Variants in SEPTIN7 observed in about 807,000 individuals in gnomAD.
The protein encoded by SEPTIN7 is septin-7.
SEPTIN7 carries 10 observed loss-of-function variants against 63.3 expected under a neutral mutation model. That is an observed-to-expected ratio of 0.16 (90% CI 0.10 to 0.27). The LOEUF (loss-of-function observed/expected upper bound fraction) is 0.27. Among genes scored for constraint, SEPTIN7 ranks in the 10% least tolerant of loss-of-function variants. The pLI, the probability that SEPTIN7 is intolerant of heterozygous loss-of-function variation, is 1.00. For missense variants in SEPTIN7, 310 were observed against 521.0 expected (o/e 0.59, Z 3.94); for synonymous variants, 131 against 165.3 (o/e 0.79, Z 1.59).
downstream of SEPTIN7, among the ~76,000 whole-genome samples, chr7:35,911,042 G>A (rs1353160820): frequency 6.6e-6 from 1 of 152,174 alleles, no homozygotes; most frequent in Non-Finnish European, 1.5e-5. Context: ...CCCCCTGGTT[G>A]CAGCCATGTC....
At chr7:35,847,092 C>G (rs1784710992) in intron 3 of SEPTIN7, 5 of 188,504 alleles carry the variant, frequency 2.7e-5, no homozygotes, top group African/African-American at 1.2e-4. Flanking sequence ...TCTCTGCACA[C>G]TTACGGGAGT....
At chr7:35,914,411 CACTT>C in the SEPTIN7 span, among the ~76,000 whole-genome samples, 2 of 152,152 alleles carry the variant, frequency 1.3e-5, no homozygotes, top group African/African-American at 4.8e-5. Flanking sequence ...GGATGGGCCT[CACTT>C]AATCAGTTGA....
chr7:35,840,779 G>A (rs1213716693), intron 3 of SEPTIN7, among the ~76,000 whole-genome samples: 1 of 152,078 alleles, frequency 6.6e-6, no homozygotes, highest in East Asian at 1.9e-4. Context: ...GAGGAAAACA[G>A]TATACACATA....
At chr7:35,852,153 G>C (rs1433795506) in intron 3 of SEPTIN7, among the ~76,000 whole-genome samples, 1 of 152,098 alleles carries the variant, frequency 6.6e-6, no homozygotes, top group African/African-American at 2.4e-5. Context: ...ACTGTGCCAA[G>C]GTATGATTCT....
rs189044048 is a variant in SEPTIN7, at chr7:35,849,756, T to C, written c.170-13796T>C. ...ATTTCTCACCATTTGGCTTCTCTCC[T>C]TAACACAAAACTACTTTTATTAAAG... On this transcript the variant is annotated intron_variant, in intron 3 of 13. Coordinates refer to ENST00000350320, the MANE Select transcript of SEPTIN7 (RefSeq NM_001788.6). 2.3e-3 allele frequency among the ~76,000 whole-genome samples: 349 copies of C among 152,364 alleles called. 1 individual carries two copies. Among genetic ancestry groups the C allele is most frequent in the Non-Finnish European group, 3.5e-3 (235 of 68,034 alleles).
chr7:35,856,696 C>G (rs1483741442), intron 3 of SEPTIN7, among the ~76,000 whole-genome samples: 2 of 152,240 alleles, frequency 1.3e-5, no homozygotes, highest in East Asian at 3.9e-4. Context: ...GATCATTTCC[C>G]CTGTGGCATA....
intron 6 of SEPTIN7, among the ~76,000 whole-genome samples, chr7:35,875,116 C>A (rs1786392356): frequency 6.6e-6 from 1 of 152,130 alleles, no homozygotes; most frequent in Non-Finnish European, 1.5e-5. Context: ...TTCCTTCCAT[C>A]CCCTTGGGGA....
chr7:35,838,156 T>C (rs1357035502), intron 3 of SEPTIN7, among the ~76,000 whole-genome samples: 1 of 152,124 alleles, frequency 6.6e-6, no homozygotes, highest in Non-Finnish European at 1.5e-5. Flanking sequence ...TATTATTTTG[T>C]TGTTGGTAGG....
Position 35,903,104 on chromosome 7 carries a change from A to G in SEPTIN7, c.1163A>G (p.Lys388Arg), listed in dbSNP as rs1215266377. The change falls in exon 13 of 14, where the codon AAG becomes AGG. Residue 388 changes from lysine to arginine, a missense_variant. Lys to Arg is a conservative substitution (Grantham distance 26). Around this residue, in one of 2 missense-constraint regions of SEPTIN7, gnomAD observed 255 missense variants for 490.5 expected, o/e 0.52. Transcript: ENST00000350320. ...ELQRRHEQMK[K>R]NLEAQHKELE... The stretch of plus-strand genomic sequence containing the variant: ...CAGCGGCGCCATGAGCAAATGAAAA[A>G]GAATTTGGAAGCACAGCACAAAGAA... 5.1e-6 allele frequency: 8 copies of G among 1,564,348 alleles called. No individual in the cohort carries two copies. In the South Asian group the frequency reaches 9.5e-5, roughly 18 times the overall value.
At position 35,813,017 on chromosome 7, in the gene SEPTIN7, G is replaced by A. The variant is rs191131163; in HGVS notation, c.61+11747G>A. ...TAACTTTTCTGCAAGATATAAGTCC[G>A]GAGGCCTTAATAATAACTATCATCT... On this transcript the variant is annotated intron_variant, in intron 1 of 13. Transcript: ENST00000350320. Among the ~76,000 whole-genome samples, 33 of 152,218 alleles carry A rather than the reference G, an allele frequency of 2.2e-4. No individual in the cohort carries two copies. In the East Asian group the frequency reaches 6.2e-3, roughly 28 times the overall value.
At chr7:35,857,208 C>T (rs1785257289) in intron 3 of SEPTIN7, among the ~76,000 whole-genome samples, 1 of 152,094 alleles carries the variant, frequency 6.6e-6, no homozygotes, top group Non-Finnish European at 1.5e-5. Flanking sequence ...CTACAACTAA[C>T]AGAAATAACT....
intron 7 of SEPTIN7, among the ~76,000 whole-genome samples, chr7:35,881,829 G>A (rs1786897724): frequency 6.6e-6 from 1 of 151,892 alleles, no homozygotes; most frequent in African/African-American, 2.4e-5. Context: ...TTTGAACTAG[G>A]TCATTTCTGA....
At chr7:35,871,577 T>C (rs1253667917) in intron 4 of SEPTIN7, among the ~76,000 whole-genome samples, 1 of 152,176 alleles carries the variant, frequency 6.6e-6, no homozygotes, top group African/African-American at 2.4e-5. Context: ...TATTGGATAG[T>C]GTGGCTACAG....
chr7:35,810,468 C>T (rs1261174632), intron 1 of SEPTIN7, among the ~76,000 whole-genome samples: 5 of 151,862 alleles, frequency 3.3e-5, no homozygotes, highest in South Asian at 2.1e-4. Context: ...GGACTACAGG[C>T]GCCCGCCACC....
At chr7:35,850,610 A>T (rs1475169923) in intron 3 of SEPTIN7, among the ~76,000 whole-genome samples, 2 of 152,068 alleles carry the variant, frequency 1.3e-5, no homozygotes, top group Non-Finnish European at 2.9e-5. Flanking sequence ...TTGAAATGAT[A>T]CTCCATCTTT....
At chr7:35,896,014 T>C (rs1002173219) in intron 11 of SEPTIN7, among the ~76,000 whole-genome samples, 3 of 152,194 alleles carry the variant, frequency 2.0e-5, no homozygotes, top group African/African-American at 7.2e-5. Flanking sequence ...TTTCACCATG[T>C]TGGCCACGCT....
chr7:35,870,823 TAAAAAAA>T (rs34827594), intron 4 of SEPTIN7, among the ~76,000 whole-genome samples: 1 of 114,638 alleles, frequency 8.7e-6, no homozygotes, highest in Non-Finnish European at 1.8e-5. Context: ...AGACCCTGAC[TAAAAAAA>T]AAAAAAAAAA....
At chr7:35,813,156 A>T (rs1788835889) in intron 1 of SEPTIN7, among the ~76,000 whole-genome samples, 3 of 152,214 alleles carry the variant, frequency 2.0e-5, no homozygotes, top group Non-Finnish European at 4.4e-5. Context: ...TCAAGATGTT[A>T]TCCCAATCTA....
chr7:35,801,109 G>A lies in SEPTIN7; in HGVS notation c.-101G>A. ...CGCCTGCTGTAGCGTGCGTAAGCAA[G>A]GCAGCTACGCCGGGCGGCTACGCTG... On this transcript the variant is annotated 5_prime_UTR_variant, in exon 1 of 14. Transcript: ENST00000350320. The A allele has an allele frequency of 1.1e-6, 1 of 946,420 alleles. No individual in the cohort carries two copies. The highest frequency in any genetic ancestry group is 1.5e-6 in the Non-Finnish European group (1 of 668,282). The allele number at this position is 946,420 out of a possible 1,614,324, so 58.6% of individuals were successfully genotyped here.
Sources: gnomAD v4.1 joint callset for allele counts (sites outside exome capture counted in the v4.1 genomes callset) on GRCh38, gnomAD v4.1.1 for gene constraint, gnomAD v4.1.1 regional missense constraint, MANE v1.5 for transcripts, NCBI Gene and HGNC (gene_info 2026-07-23, HGNC 2026-07-21) for gene names.